PTPRD: variants seen among roughly 807,000 people sequenced by gnomAD.
PTPRD encodes the protein protein tyrosine phosphatase receptor type D.
PTPRD carries 34 observed loss-of-function variants against 214.5 expected under a neutral mutation model. The observed-to-expected ratio is 0.16, with a 90% CI of 0.12 to 0.21. PTPRD has a LOEUF of 0.21. Ranked by LOEUF, PTPRD falls within the 10% of genes least tolerant of loss-of-function variation. The pLI is 1.00. For missense variants in PTPRD, 2,545 were observed against 2,398.7 expected, an observed-to-expected ratio of 1.06 and a Z score of -1.27; for synonymous variants, 1,128 against 845.7, an observed-to-expected ratio of 1.33 and a Z score of -5.79.
chr9:9,532,560 CTT>C (rs1245875441), intron 8 of PTPRD, among the ~76,000 whole-genome samples: 16 of 152,126 alleles, frequency 1.1e-4, no homozygotes, highest in Non-Finnish European at 1.8e-4. Context: ...CATCAGATTT[CTT>C]TGAGAATTCA....
chr9:8,798,864 G>C (rs1049037690), intron 11 of PTPRD, among the ~76,000 whole-genome samples: 1 of 152,042 alleles, frequency 6.6e-6, no homozygotes, highest in Non-Finnish European at 1.5e-5. Flanking sequence ...GAGTATCTAG[G>C]TCCTAGTCTC....
chr9:9,754,439 T>C (rs1359073962), intron 6 of PTPRD, among the ~76,000 whole-genome samples: 2 of 152,068 alleles, frequency 1.3e-5, no homozygotes, highest in Non-Finnish European at 2.9e-5. Flanking sequence ...GTGACCCTCT[T>C]CAAGTTACTT....
chr9:10,284,607 A>C (rs1251622183), intron 3 of PTPRD, among the ~76,000 whole-genome samples: 1 of 152,222 alleles, frequency 6.6e-6, no homozygotes, highest in East Asian at 1.9e-4. Context: ...TCAGAAATAT[A>C]GGCATGGCTT....
intron 5 of PTPRD, among the ~76,000 whole-genome samples, chr9:9,918,688 C>A (rs896583101): frequency 6.6e-6 from 1 of 151,806 alleles, no homozygotes; most frequent in Admixed American, 6.6e-5. Flanking sequence ...AACAGCATAA[C>A]ACTGGCATAA....
At chr9:9,060,269 T>C (rs1016467574) in intron 10 of PTPRD, among the ~76,000 whole-genome samples, 8 of 152,142 alleles carry the variant, frequency 5.3e-5, no homozygotes, top group African/African-American at 1.9e-4. Context: ...AGAGTTGATT[T>C]ATGACAAGAG....
chr9:8,790,486 T>G (rs1016263959), intron 11 of PTPRD, among the ~76,000 whole-genome samples: 2 of 151,944 alleles, frequency 1.3e-5, no homozygotes, highest in Non-Finnish European at 2.9e-5. Flanking sequence ...GGTGCGATCT[T>G]GGCTCACTGT....
intron 8 of PTPRD, among the ~76,000 whole-genome samples, chr9:9,554,024 T>G (rs756607533): frequency 6.6e-6 from 1 of 152,044 alleles, no homozygotes; most frequent in Non-Finnish European, 1.5e-5. Flanking sequence ...CATCTGAGAA[T>G]TGATGCCATT....
intron 2 of PTPRD, among the ~76,000 whole-genome samples, chr9:10,555,797 T>C (rs2062435159): frequency 6.6e-6 from 1 of 151,902 alleles, no homozygotes; most frequent in Non-Finnish European, 1.5e-5. Context: ...GCCAAACAAA[T>C]AAGAAACTAG....
rs780106450 is a variant in PTPRD, at chr9:10,058,256, A to G, written c.-544-24466T>C. Among the ~76,000 whole-genome samples, 2 of 152,122 alleles carry G rather than the reference A, an allele frequency of 1.3e-5. 1 individual carries two copies. The highest frequency in any genetic ancestry group is 4.8e-5 in the African/African-American group (2 of 41,452). On this transcript the variant is annotated intron_variant, in intron 3 of 45. Coordinates refer to ENST00000381196, the MANE Select transcript of PTPRD (RefSeq NM_002839.4). ...CACATCTTAAAACTGCTTGATATTAACACAAGTAACTATAAGTTAACCTAG... is the reference window on the plus strand; with the variant it reads ...CACATCTTAAAACTGCTTGATATTAGCACAAGTAACTATAAGTTAACCTAG...
Position 9,682,957 on chromosome 9 carries a change from A to G in PTPRD, c.-287+51576T>C, listed in dbSNP as rs144830470. On this transcript the variant is annotated intron_variant, in intron 7 of 45. Transcript: ENST00000381196. ...GAAAGAGCTTTAACTGATGAACAAG[A>G]TATGTACAGTCATTAGTGATAGCCT... Among the ~76,000 whole-genome samples, 489 of 151,884 alleles carry G rather than the reference A, an allele frequency of 3.2e-3. 4 individuals are homozygous for G. The highest frequency in any genetic ancestry group is 0.011 in the African/African-American group (464 of 41,502).
intron 9 of PTPRD, among the ~76,000 whole-genome samples, chr9:9,329,504 T>C (rs547365624): frequency 6.6e-6 from 1 of 152,196 alleles, no homozygotes; most frequent in Non-Finnish European, 1.5e-5. Context: ...GTAAGTTTAA[T>C]ACAATTACAA....
chr9:9,100,149 T>C (rs2099789294), intron 10 of PTPRD, among the ~76,000 whole-genome samples: 1 of 152,144 alleles, frequency 6.6e-6, no homozygotes, highest in African/African-American at 2.4e-5. Flanking sequence ...GAATGGGGTA[T>C]CTTTACTTGA....
chr9:8,411,312 T>C (rs2093498721), intron 35 of PTPRD, among the ~76,000 whole-genome samples: 1 of 151,992 alleles, frequency 6.6e-6, no homozygotes, highest in Non-Finnish European at 1.5e-5. Context: ...TTTATTTTTA[T>C]TTTTATTTTT....
At chr9:8,425,611 G>C (rs998976839) in intron 35 of PTPRD, among the ~76,000 whole-genome samples, 5 of 152,042 alleles carry the variant, frequency 3.3e-5, no homozygotes, top group Non-Finnish European at 7.4e-5. Flanking sequence ...GAAGACTCTC[G>C]TCAATATTGT....
intron 7 of PTPRD, among the ~76,000 whole-genome samples, chr9:9,621,021 T>A (rs543368607): frequency 6.6e-6 from 1 of 152,098 alleles, no homozygotes; most frequent in Non-Finnish European, 1.5e-5. Flanking sequence ...TCCCCTTGTG[T>A]TGGTGTCTCT....
intron 11 of PTPRD, among the ~76,000 whole-genome samples, chr9:8,988,054 A>G (rs2099352485): frequency 6.6e-6 from 1 of 151,906 alleles, no homozygotes; most frequent in East Asian, 1.9e-4. Context: ...GAAGTTGGGG[A>G]GAGAGAGAGA....
At chr9:10,053,969 G>C (rs1381885567) in intron 3 of PTPRD, among the ~76,000 whole-genome samples, 21 of 152,040 alleles carry the variant, frequency 1.4e-4, no homozygotes, top group Non-Finnish European at 2.9e-5. Context: ...ATGTTGGCCA[G>C]GCTGGTTTTG....
At chr9:8,344,278 ATCAAG>A (rs1331364331) in intron 39 of PTPRD, among the ~76,000 whole-genome samples, 2 of 152,060 alleles carry the variant, frequency 1.3e-5, no homozygotes, top group Non-Finnish European at 2.9e-5. Context: ...AGCCCTATAC[ATCAAG>A]TCAATTCTAG....
chr9:10,462,647 C>G (rs1275577930), intron 2 of PTPRD, among the ~76,000 whole-genome samples: 2 of 151,872 alleles, frequency 1.3e-5, no homozygotes, highest in Non-Finnish European at 2.9e-5. Flanking sequence ...CACCAGTCCC[C>G]CTTTCTGAAC....
Sources: allele counts gnomAD v4.1 joint callset (sites outside exome capture counted in the v4.1 genomes callset), GRCh38; gene constraint gnomAD v4.1.1; transcripts MANE v1.5; gene names NCBI Gene and HGNC (gene_info 2026-07-23, HGNC 2026-07-21).